Variants in RAB27B observed in about 807,000 individuals in gnomAD.
RAB27B encodes RAB27B, member RAS oncogene family.
In RAB27B, 15 loss-of-function variants were observed where a neutral mutation model predicts 24.6. That is an observed-to-expected ratio of 0.61 (90% confidence interval 0.41 to 0.94). RAB27B has a LOEUF of 0.94. RAB27B is among the 40% of genes least tolerant of loss of function. RAB27B has a pLI of 0.00. For missense variants in RAB27B, 261 were observed against 266.8 expected, an observed-to-expected ratio of 0.98 and a Z score of 0.15; for synonymous variants, 105 against 92.5, an observed-to-expected ratio of 1.14 and a Z score of -0.78.
chr18:54,745,272 G>A (rs913907415), intron 2 of RAB27B: 4 of 182,182 alleles, frequency 2.2e-5, no homozygotes, highest in Non-Finnish European at 3.5e-5. Context: ...ATGCCAGCCT[G>A]GGAAGTTCTG....
At chr18:54,753,210 ACT>A (rs1039730517) in intron 2 of RAB27B, among the ~76,000 whole-genome samples, 7 of 152,172 alleles carry the variant, frequency 4.6e-5, no homozygotes, top group East Asian at 1.9e-4. Flanking sequence ...CATTTAAAAA[ACT>A]CTGAGTTTAA....
intron 2 of RAB27B, among the ~76,000 whole-genome samples, chr18:54,760,111 A>AC (rs989556590): frequency 6.6e-5 from 10 of 152,026 alleles, no homozygotes; most frequent in African/African-American, 2.2e-4. Context: ...GGTTGTGGAT[A>AC]CCCCCCAGAA....
At chr18:54,820,443 G>C (rs1409871169) in intron 2 of RAB27B, among the ~76,000 whole-genome samples, 6 of 152,246 alleles carry the variant, frequency 3.9e-5, no homozygotes, top group African/African-American at 1.4e-4. Context: ...TGTTCATATC[G>C]TTTGCCCACT....
chr18:54,874,900 A>G (rs1454856182), intron 1 of RAB27B, among the ~76,000 whole-genome samples: 1 of 152,236 alleles, frequency 6.6e-6, no homozygotes, highest in Non-Finnish European at 1.5e-5. Context: ...AGTGATGGTG[A>G]TAACAGACCT....
At chr18:54,834,716 G>T (rs557873150) in intron 1 of RAB27B, among the ~76,000 whole-genome samples, 9 of 151,678 alleles carry the variant, frequency 5.9e-5, no homozygotes, top group African/African-American at 2.2e-4. Context: ...TGTAAACATG[G>T]AAGAAGAGAT....
intron 1 of RAB27B, among the ~76,000 whole-genome samples, chr18:54,852,004 T>C (rs1330292152): frequency 2.0e-5 from 3 of 152,210 alleles, no homozygotes; most frequent in Non-Finnish European, 4.4e-5. Flanking sequence ...TCACAGGACT[T>C]GAGCATTCTG....
At chr18:54,844,654 A>G (rs1227175081) in intron 1 of RAB27B, among the ~76,000 whole-genome samples, 5 of 151,910 alleles carry the variant, frequency 3.3e-5, no homozygotes, top group African/African-American at 9.7e-5. Flanking sequence ...TGATGTGCAT[A>G]CCTTGGCCTC....
chr18:54,796,160 C>T (rs1341784578), intron 2 of RAB27B, among the ~76,000 whole-genome samples: 5 of 152,092 alleles, frequency 3.3e-5, no homozygotes, highest in Admixed American at 2.0e-4. Context: ...ACTCCTCAAA[C>T]CCCTGGAGGA....
At chr18:54,888,763 C>T (rs567584203) in intron 5 of RAB27B, among the ~76,000 whole-genome samples, 2 of 152,146 alleles carry the variant, frequency 1.3e-5, no homozygotes, top group Admixed American at 6.6e-5. Flanking sequence ...ACAATTTACA[C>T]GTCTTTCTTG....
chr18:54,739,378 C>T (rs1910000779), intron 2 of RAB27B, among the ~76,000 whole-genome samples: 1 of 151,098 alleles, frequency 6.6e-6, no homozygotes, highest in South Asian at 2.1e-4. Context: ...ATTGCTTGAA[C>T]CTGGTAGGCG....
intron 2 of RAB27B, among the ~76,000 whole-genome samples, chr18:54,754,778 A>T (rs1049944840): frequency 6.6e-6 from 1 of 152,218 alleles, no homozygotes; most frequent in Admixed American, 6.5e-5. Context: ...ATATATTGTT[A>T]TGAGTATTGG....
At chr18:54,838,041 A>G (rs1337273122) in intron 1 of RAB27B, among the ~76,000 whole-genome samples, 2 of 152,140 alleles carry the variant, frequency 1.3e-5, no homozygotes, top group South Asian at 2.1e-4. Flanking sequence ...CATTAATATC[A>G]TGCTCTAATA....
At chr18:54,841,174 T>TGGGG (rs1911106066) in intron 1 of RAB27B, among the ~76,000 whole-genome samples, 4 of 12,188 alleles carry the variant, frequency 3.3e-4, no homozygotes, top group Non-Finnish European at 7.4e-4. Flanking sequence ...GGGGGTTTGG[T>TGGGG]GAGAGGGGCG....
chr18:54,783,919 C>T (rs1464558485), intron 2 of RAB27B, among the ~76,000 whole-genome samples: 2 of 152,162 alleles, frequency 1.3e-5, no homozygotes, highest in African/African-American at 4.8e-5. Context: ...TTGGATTGTG[C>T]CTGGCCCTGA....
intron 2 of RAB27B, among the ~76,000 whole-genome samples, chr18:54,777,748 G>A (rs1393976965): frequency 2.6e-5 from 4 of 152,100 alleles, no homozygotes; most frequent in Non-Finnish European, 5.9e-5. Flanking sequence ...GTTGCAAAGT[G>A]TATTTTCTTA....
chr18:54,843,136 A>G (rs1157047593), intron 1 of RAB27B, among the ~76,000 whole-genome samples: 1 of 152,136 alleles, frequency 6.6e-6, no homozygotes, highest in Non-Finnish European at 1.5e-5. Context: ...ATAAACTTCT[A>G]TAAAGTAAAT....
chr18:54,801,925 T>C (rs1441777148), intron 2 of RAB27B, among the ~76,000 whole-genome samples: 1 of 152,198 alleles, frequency 6.6e-6, no homozygotes, highest in Non-Finnish European at 1.5e-5. Flanking sequence ...CTACAGAGAA[T>C]TGAGGACAAG....
At chr18:54,862,165 C>A (rs1388580623) in intron 1 of RAB27B, among the ~76,000 whole-genome samples, 2 of 151,996 alleles carry the variant, frequency 1.3e-5, no homozygotes, top group East Asian at 3.9e-4. Flanking sequence ...TCCAAAAATT[C>A]TTGAAGTGAG....
chr18:54,866,784 C>T (rs964197002), intron 1 of RAB27B, among the ~76,000 whole-genome samples: 1 of 152,188 alleles, frequency 6.6e-6, no homozygotes, highest in African/African-American at 2.4e-5. Flanking sequence ...GGAGCCAAAC[C>T]ATTTTTTCTC....
Sources: gnomAD v4.1 joint callset for allele counts (sites outside exome capture counted in the v4.1 genomes callset) on GRCh38, gnomAD v4.1.1 for gene constraint, MANE v1.5 for transcripts, NCBI Gene and HGNC (gene_info 2026-07-23, HGNC 2026-07-21) for gene names.